Variants in WWOX observed in about 807,000 individuals in gnomAD.
The protein encoded by WWOX is WW domain-containing oxidoreductase.
A neutral mutation model predicts 46.2 loss-of-function variants in WWOX; 69 were observed. The ratio of observed to expected loss-of-function variants is 1.49; its 90% confidence interval spans 1.23 to 1.82. WWOX has a LOEUF of 1.82. WWOX is among the 40% of genes most tolerant of loss of function. WWOX has a pLI of 0.00. For missense variants in WWOX, 919 were observed against 542.6 expected, an observed-to-expected ratio of 1.69 and a Z score of -6.89; for synonymous variants, 359 against 202.6, an observed-to-expected ratio of 1.77 and a Z score of -6.56.
intron 8 of WWOX, among the ~76,000 whole-genome samples, chr16:78,598,627 G>T (rs546840085): frequency 5.9e-5 from 9 of 152,236 alleles, no homozygotes; most frequent in African/African-American, 9.6e-5. Flanking sequence ...GCATTTGGCA[G>T]GCAAACGTTT....
At chr16:78,613,439 G>A (rs1034812291) in intron 8 of WWOX, among the ~76,000 whole-genome samples, 1 of 152,114 alleles carries the variant, frequency 6.6e-6, no homozygotes, top group African/African-American at 2.4e-5. Context: ...GTCTATGAGG[G>A]TCATCTGGGA....
chr16:78,716,682 G>A (rs943222469), intron 8 of WWOX, among the ~76,000 whole-genome samples: 10 of 151,980 alleles, frequency 6.6e-5, no homozygotes, highest in African/African-American at 2.4e-4. Context: ...TCACACCCAA[G>A]GAGAATCATG....
At chr16:78,546,094 C>T (rs111631955) in intron 8 of WWOX, among the ~76,000 whole-genome samples, 1 of 152,160 alleles carries the variant, frequency 6.6e-6, no homozygotes, top group Non-Finnish European at 1.5e-5. Context: ...TCCCTACCCT[C>T]TGTCAGTTTT....
chr16:78,482,699 T>C (rs2084525271), intron 8 of WWOX, among the ~76,000 whole-genome samples: 1 of 152,148 alleles, frequency 6.6e-6, no homozygotes. Context: ...AGTAATCAAC[T>C]GGGTGTTAAA....
chr16:79,135,247 C>A (rs568119400), intron 8 of WWOX, among the ~76,000 whole-genome samples: 5 of 152,062 alleles, frequency 3.3e-5, no homozygotes, highest in Non-Finnish European at 5.9e-5. Context: ...CATAAATATG[C>A]ATTCATATTT....
intron 8 of WWOX, among the ~76,000 whole-genome samples, chr16:78,994,056 C>G (rs566685881): frequency 6.6e-6 from 1 of 152,192 alleles, no homozygotes; most frequent in African/African-American, 2.4e-5. Context: ...CTCTGCTTAG[C>G]CACTGAGGAT....
chr16:78,310,672 G>A (rs1186450288), intron 5 of WWOX, among the ~76,000 whole-genome samples: 1 of 152,216 alleles, frequency 6.6e-6, no homozygotes, highest in Admixed American at 6.5e-5. Context: ...TGGGATCGGG[G>A]ATTTATACCC....
chr16:78,623,685 A>AGTTAT (rs2046242014), intron 8 of WWOX, among the ~76,000 whole-genome samples: 1 of 150,572 alleles, frequency 6.6e-6, no homozygotes, highest in Non-Finnish European at 1.5e-5. Flanking sequence ...TTATTAGCTG[A>AGTTAT]GTCATGTCAC....
chr16:79,002,519 G>A (rs1024021934), intron 8 of WWOX, among the ~76,000 whole-genome samples: 1 of 152,040 alleles, frequency 6.6e-6, no homozygotes, highest in Non-Finnish European at 1.5e-5. Flanking sequence ...CACCGCACCC[G>A]GCCCCTGCCT....
intron 8 of WWOX, among the ~76,000 whole-genome samples, chr16:79,191,275 C>T (rs960298871): frequency 6.6e-6 from 1 of 152,026 alleles, no homozygotes; most frequent in Admixed American, 6.5e-5. Context: ...AGGCTGGTCT[C>T]GAACTCCTGA....
chr16:79,137,513 C>G (rs1331763161), intron 8 of WWOX, among the ~76,000 whole-genome samples: 1 of 152,172 alleles, frequency 6.6e-6, no homozygotes, highest in Non-Finnish European at 1.5e-5. Context: ...CTTGGAGTGA[C>G]ATGTTGGACC....
At chr16:79,094,290 G>A (rs1485751582) in intron 8 of WWOX, among the ~76,000 whole-genome samples, 1 of 140,680 alleles carries the variant, frequency 7.1e-6, no homozygotes, top group African/African-American at 2.7e-5. Context: ...GTCTCGCTCT[G>A]TCTCCCAGGC....
intron 8 of WWOX, among the ~76,000 whole-genome samples, chr16:78,856,002 C>T (rs147786139): frequency 6.6e-6 from 1 of 152,174 alleles, no homozygotes; most frequent in African/African-American, 2.4e-5. Flanking sequence ...AAGGAGGTGA[C>T]TAACTTTATC....
At chr16:78,457,947 A>C (rs2083861183) in intron 8 of WWOX, among the ~76,000 whole-genome samples, 1 of 147,052 alleles carries the variant, frequency 6.8e-6, no homozygotes, top group Admixed American at 6.8e-5. Context: ...GCGTAGTGGC[A>C]GGTGCCTGTA....
At chr16:78,218,793 A>G (rs2036802233) in intron 5 of WWOX, among the ~76,000 whole-genome samples, 1 of 152,204 alleles carries the variant, frequency 6.6e-6, no homozygotes, top group African/African-American at 2.4e-5. Context: ...GTGCGCATGT[A>G]AGTTTACGTG....
chr16:78,651,611 C>G (rs187080541), intron 8 of WWOX, among the ~76,000 whole-genome samples: 8 of 152,338 alleles, frequency 5.3e-5, no homozygotes, highest in Admixed American at 2.0e-4. Flanking sequence ...CCTAGAACCT[C>G]AGTGCTATTG....
intron 6 of WWOX, among the ~76,000 whole-genome samples, chr16:78,406,305 T>TATAAATATAA (rs1555533270): frequency 1.4e-3 from 11 of 8,148 alleles, no homozygotes; most frequent in East Asian, 0.01. Flanking sequence ...TAAATATAAA[T>TATAAATATAA]ATATATATAT....
chr16:78,838,283 T>C (rs1230116456), intron 8 of WWOX, among the ~76,000 whole-genome samples: 1 of 152,098 alleles, frequency 6.6e-6, no homozygotes, highest in Admixed American at 6.5e-5. Flanking sequence ...GACAGGGTAG[T>C]TGGGCCATGG....
intron 8 of WWOX, among the ~76,000 whole-genome samples, chr16:78,979,586 C>G (rs979962119): frequency 6.6e-6 from 1 of 152,090 alleles, no homozygotes; most frequent in Non-Finnish European, 1.5e-5. Flanking sequence ...AGGTTCCACC[C>G]AGAGAGGAGA....
Sources: allele counts gnomAD v4.1 joint callset (sites outside exome capture counted in the v4.1 genomes callset), GRCh38; gene constraint gnomAD v4.1.1; transcripts MANE v1.5; gene names NCBI Gene and HGNC (gene_info 2026-07-23, HGNC 2026-07-21).